The following NAA35 variants were observed in gnomAD, a reference collection of about 807,000 sequenced individuals.
NAA35 encodes N-alpha-acetyltransferase 35, NatC auxiliary subunit, also known as MAK10 homolog, amino-acid N-acetyltransferase subunit.
NAA35 carries 18 observed loss-of-function variants against 101.7 expected under a neutral mutation model. That is an observed-to-expected ratio of 0.18 (90% CI 0.12 to 0.26). The LOEUF (loss-of-function observed/expected upper bound fraction) is 0.26. Among genes scored for constraint, NAA35 ranks in the 10% least tolerant of loss-of-function variants. NAA35 has a pLI of 1.00. For synonymous variants in NAA35, 267 were observed against 273.1 expected (o/e 0.98, Z 0.22); for missense variants, 601 against 886.8 (o/e 0.68, Z 4.09).
chr9:85,949,219 T>C (rs1012203157), intron 2 of NAA35, among the ~76,000 whole-genome samples: 12 of 152,198 alleles, frequency 7.9e-5, no homozygotes, highest in Non-Finnish European at 1.6e-4. Context: ...ATGTCTGTTA[T>C]TTGGATATTG....
chr9:85,949,022 G>T (rs1828888663), intron 2 of NAA35, among the ~76,000 whole-genome samples: 1 of 152,162 alleles, frequency 6.6e-6, no homozygotes, highest in Non-Finnish European at 1.5e-5. Context: ...CTCCCAAAGT[G>T]CTGGGATTAC....
At chr9:85,955,415 T>G (rs1310007296) in intron 2 of NAA35, among the ~76,000 whole-genome samples, 1 of 137,094 alleles carries the variant, frequency 7.3e-6, no homozygotes, top group Non-Finnish European at 1.5e-5. Flanking sequence ...CAGGCTGGAG[T>G]GCAGTGGCGT....
intron 2 of NAA35, among the ~76,000 whole-genome samples, chr9:85,949,284 TC>T (rs1828902721): frequency 6.6e-6 from 1 of 150,794 alleles, no homozygotes; most frequent in African/African-American, 2.5e-5. Flanking sequence ...TCCCTATTTT[TC>T]TTTTTTTCTT....
In NAA35 at chr9:86,023,691, G is replaced by A. The variant is rs1286349461; in HGVS notation, c.*1731G>A. On this transcript the variant is annotated 3_prime_UTR_variant, in exon 23 of 23. Coordinates refer to ENST00000361671, the MANE Select transcript of NAA35 (RefSeq NM_024635.4). ...TTAGCTACTATGTCTGATTGGGTCTGCTGGTATAGACGAGCATCTAGGTTA... is the reference window on the plus strand; with the variant it reads ...TTAGCTACTATGTCTGATTGGGTCTACTGGTATAGACGAGCATCTAGGTTA... Among the ~76,000 whole-genome samples, 1 of 152,242 alleles carries A rather than the reference G, an allele frequency of 6.6e-6. No homozygotes were observed. The highest frequency in any genetic ancestry group is 1.5e-5 in the Non-Finnish European group (1 of 68,050).
intron 2 of NAA35, among the ~76,000 whole-genome samples, chr9:85,944,601 C>T (rs535682142): frequency 6.6e-6 from 1 of 152,192 alleles, no homozygotes; most frequent in Non-Finnish European, 1.5e-5. Context: ...AGAGTGAACA[C>T]GTACACTGCT....
At chr9:85,961,545 T>C (rs893441246) in intron 5 of NAA35, among the ~76,000 whole-genome samples, 3 of 152,162 alleles carry the variant, frequency 2.0e-5, no homozygotes, top group African/African-American at 7.2e-5. Context: ...TTTAGAAAGA[T>C]CTCTAGTTGG....
At chr9:85,947,942 T>C (rs2118265044) in intron 2 of NAA35, among the ~76,000 whole-genome samples, 1 of 152,344 alleles carries the variant, frequency 6.6e-6, no homozygotes, top group South Asian at 2.1e-4. Flanking sequence ...TTCTGCAGTG[T>C]TGAATACATC....
chr9:85,991,767 A>G (rs565873310), intron 11 of NAA35, among the ~76,000 whole-genome samples: 1 of 152,276 alleles, frequency 6.6e-6, no homozygotes, highest in South Asian at 2.1e-4. Flanking sequence ...GAACCTGTAA[A>G]TATTACTTTA....
At position 85,954,253 on chromosome 9, in the gene NAA35, G is replaced by A. The variant is rs140406967; in HGVS notation, c.125-2107G>A. On this transcript the variant is annotated intron_variant, in intron 2 of 22. Transcript: ENST00000361671. ...GCACCACCATGCCTGGCTAATTTTA[G>A]AAGATATTTTATAGATACAGGGTCT... 2.9e-3 allele frequency among the ~76,000 whole-genome samples: 438 copies of A among 152,170 alleles called. 5 individuals are homozygous for A. The South Asian group carries it at 0.034, about 12-fold the overall frequency.
chr9:86,007,369 G>T lies in NAA35; in HGVS notation c.1128G>T (p.Leu376=), dbSNP rs764702429. 1 of 1,612,256 alleles carries T rather than the reference G, an allele frequency of 6.2e-7. No individual in the cohort carries two copies. The highest frequency in any genetic ancestry group is 8.5e-7 in the Non-Finnish European group (1 of 1,178,698). The change falls in exon 14 of 23, where the codon CTG becomes CTT. Residue 376 remains leucine, a synonymous_variant. Transcript: ENST00000361671. The part of the protein sequence containing the change: ...LSRSLLQTTF[L]VDNKKVFGTH... ...ACATTTGTTTTAAGACCACTTTCCT[G>T]GTGGATAACAAAAAGGTCTTTGGAA...
At chr9:85,954,350 T>C (rs566214568) in intron 2 of NAA35, among the ~76,000 whole-genome samples, 4 of 152,360 alleles carry the variant, frequency 2.6e-5, no homozygotes, top group African/African-American at 7.2e-5. Flanking sequence ...CCCACAATGC[T>C]GGGATTACAG....
intron 15 of NAA35, among the ~76,000 whole-genome samples, chr9:86,012,711 C>G (rs138209760): frequency 5.8e-4 from 89 of 152,254 alleles, no homozygotes; most frequent in Non-Finnish European, 9.8e-4. Context: ...TTTATAGCAG[C>G]ACAGGAATGT....
chr9:85,945,581 A>C (rs1184025661), intron 2 of NAA35, among the ~76,000 whole-genome samples: 1 of 146,514 alleles, frequency 6.8e-6, no homozygotes, highest in South Asian at 2.1e-4. Context: ...GCTGGAGTGC[A>C]GTGGTGCTGT....
intron 15 of NAA35, among the ~76,000 whole-genome samples, chr9:86,012,519 A>T (rs1010859152): frequency 2.0e-5 from 3 of 152,210 alleles, no homozygotes; most frequent in African/African-American, 7.2e-5. Flanking sequence ...ATAAAACAGT[A>T]TTATACTTTG....
In NAA35 at chr9:86,025,395, C is replaced by T. The variant is rs1170722009; in HGVS notation, c.*3435C>T. Among the ~76,000 whole-genome samples, 1 of 152,106 alleles carries T rather than the reference C, an allele frequency of 6.6e-6. No individual in the cohort carries two copies. The highest frequency in any genetic ancestry group is 1.5e-5 in the Non-Finnish European group (1 of 68,022). On this transcript the variant is annotated 3_prime_UTR_variant, in exon 23 of 23. Coordinates refer to ENST00000361671, the MANE Select transcript of NAA35 (RefSeq NM_024635.4). ...GTGAGGAAAGAGCGACTCAACTGGG[C>T]TTGAAGAACTGACTTCCCCATATTC...
intron 3 of NAA35, among the ~76,000 whole-genome samples, chr9:85,958,266 A>T (rs1386819391): frequency 6.6e-6 from 1 of 152,204 alleles, no homozygotes; most frequent in Non-Finnish European, 1.5e-5. Context: ...CTCACAGTGC[A>T]TGTGAAATAA....
chr9:86,002,743 A>C (rs1277917786), intron 12 of NAA35, among the ~76,000 whole-genome samples: 1 of 151,996 alleles, frequency 6.6e-6, no homozygotes, highest in Non-Finnish European at 1.5e-5. Context: ...TTTATCCTTC[A>C]GCTCCTGTAT....
intron 13 of NAA35, among the ~76,000 whole-genome samples, chr9:86,003,935 A>G (rs117578801): frequency 6.6e-6 from 1 of 152,190 alleles, no homozygotes; most frequent in Non-Finnish European, 1.5e-5. Context: ...ATCCAGGAAA[A>G]TCTCCAAATA....
intron 11 of NAA35, among the ~76,000 whole-genome samples, chr9:85,980,652 C>T (rs2118089929): frequency 6.6e-6 from 1 of 152,270 alleles, no homozygotes; most frequent in East Asian, 1.9e-4. Flanking sequence ...CAGGCACTCT[C>T]TTCTTGTGTA....
Sources: gnomAD v4.1 joint callset for allele counts (sites outside exome capture counted in the v4.1 genomes callset) on GRCh38, gnomAD v4.1.1 for gene constraint, MANE v1.5 for transcripts, NCBI Gene and HGNC (gene_info 2026-07-23, HGNC 2026-07-21) for gene names.